The following EPHB2 variants were observed in gnomAD, a reference collection of about 807,000 sequenced individuals.
EPHB2 encodes the protein EPH receptor B2.
In EPHB2, 18 loss-of-function variants were observed where a neutral mutation model predicts 96.4. That is an observed-to-expected ratio of 0.19 (90% CI 0.13 to 0.28). The LOEUF (loss-of-function observed/expected upper bound fraction) is 0.28, where lower values mean the gene tolerates loss of function less well. Among genes scored for constraint, EPHB2 ranks in the 10% least tolerant of loss-of-function variants. EPHB2 has a pLI of 1.00. For missense variants in EPHB2, 989 were observed against 1,355.4 expected (o/e 0.73, Z 4.25); for synonymous variants, 506 against 534.1 (o/e 0.95, Z 0.72).
chr1:22,784,283 C>A lies in EPHB2; in HGVS notation c.127-109C>A, dbSNP rs1644575796. On this transcript the variant is annotated intron_variant, in intron 2 of 15. Coordinates refer to ENST00000374630, the MANE Select transcript of EPHB2 (RefSeq NM_017449.5). This position sits in a 1 kb window ranked among gnomAD's most constrained non-coding sequence, Gnocchi z 5.1. ...ATTGGGAATTCTCTGATGTCTTCAC[C>A]ATTAGACTGGAGGGTTCCCTAAGGC... 3.9e-6 allele frequency: 4 copies of A among 1,014,622 alleles called. No individual in the cohort carries two copies. In the Admixed American group the frequency reaches 7.8e-5, roughly 20 times the overall value. 62.9% of individuals were successfully genotyped at this position (1,014,622 alleles called of 1,614,324 possible).
intron 1 of EPHB2, among the ~76,000 whole-genome samples, chr1:22,714,067 G>C (rs948261471): frequency 2.0e-5 from 3 of 152,152 alleles, no homozygotes; most frequent in African/African-American, 7.2e-5. Context: ...CCTTACATCT[G>C]CTCCTTTGCT....
intron 1 of EPHB2, among the ~76,000 whole-genome samples, chr1:22,767,113 T>C (rs1183860278): frequency 1.3e-5 from 2 of 152,208 alleles, no homozygotes; most frequent in Non-Finnish European, 1.5e-5. Context: ...CAGGTCACAC[T>C]GGGCACCAAT....
rs79319964 is a variant in EPHB2 at position 22,846,421 on chromosome 1, C to G, written c.812-16616C>G. Among the ~76,000 whole-genome samples, 1 of 108,744 alleles carries G rather than the reference C, an allele frequency of 9.2e-6. No individual in the cohort carries two copies. The highest frequency in any genetic ancestry group is 2.1e-5 in the Non-Finnish European group (1 of 48,516). The allele number at this position is 108,744 out of a possible 152,430, so 71.3% of individuals were successfully genotyped here. A position where few individuals can be genotyped will look rare whatever the true frequency, so the allele number is the denominator to read the frequency against. ...ACAGAGTGAGAGTGAGACTCTGTCT[C>G]AAAAAAAAAAAAAAAGAAAAGAAAG... On this transcript the variant is annotated intron_variant, in intron 3 of 15. Coordinates refer to ENST00000374630, the MANE Select transcript of EPHB2 (RefSeq NM_017449.5). This position sits in a 1 kb window ranked among gnomAD's most constrained non-coding sequence, Gnocchi z 4.3.
At chr1:22,804,361 C>G (rs1392937384) in intron 3 of EPHB2, among the ~76,000 whole-genome samples, 1 of 152,094 alleles carries the variant, frequency 6.6e-6, no homozygotes, top group African/African-American at 2.4e-5. Context: ...AAAATCTGCA[C>G]CACCCCCCAT....
intron 1 of EPHB2, among the ~76,000 whole-genome samples, chr1:22,758,501 A>G (rs113429480): frequency 4.5e-4 from 68 of 152,078 alleles, no homozygotes; most frequent in African/African-American, 1.6e-3. Flanking sequence ...ATTCATTTGC[A>G]TGAGCACTGC....
intron 5 of EPHB2, among the ~76,000 whole-genome samples, chr1:22,876,946 C>A (rs1484365131): frequency 6.6e-6 from 1 of 152,226 alleles, no homozygotes; most frequent in Admixed American, 6.5e-5. Flanking sequence ...GCTACGCCTG[C>A]CAGGCCCAGA....
At chr1:22,851,534 G>A (rs935716866) in intron 3 of EPHB2, among the ~76,000 whole-genome samples, 1 of 152,220 alleles carries the variant, frequency 6.6e-6, no homozygotes, top group Non-Finnish European at 1.5e-5. Flanking sequence ...CAGCATAGCT[G>A]GGCTGCAACC....
intron 1 of EPHB2, among the ~76,000 whole-genome samples, chr1:22,757,268 C>A (rs12120875): frequency 1.3e-5 from 2 of 151,728 alleles, no homozygotes; most frequent in Admixed American, 1.3e-4. Context: ...CCCAGCCTCA[C>A]TGGGGAGACC....
At chr1:22,788,881 A>C (rs1441686371) in intron 3 of EPHB2, among the ~76,000 whole-genome samples, 1 of 151,222 alleles carries the variant, frequency 6.6e-6, no homozygotes, top group Admixed American at 6.6e-5. Context: ...CAGCCTCCTG[A>C]GTAGCTGGGA....
intron 5 of EPHB2, among the ~76,000 whole-genome samples, chr1:22,866,096 A>G (rs1638465736): frequency 1.3e-5 from 2 of 152,118 alleles, no homozygotes; most frequent in Non-Finnish European, 2.9e-5. Context: ...GATGCTTCCC[A>G]GCCTCATCCC....
chr1:22,717,515 C>A (rs944487124), intron 1 of EPHB2, among the ~76,000 whole-genome samples: 1 of 152,174 alleles, frequency 6.6e-6, no homozygotes, highest in Admixed American at 6.5e-5. Flanking sequence ...AAGAGGGGAC[C>A]TTGCCTGCTG....
chr1:22,909,766 G>A (rs529728084), intron 13 of EPHB2, among the ~76,000 whole-genome samples: 3 of 152,284 alleles, frequency 2.0e-5, no homozygotes, highest in East Asian at 3.9e-4. Flanking sequence ...GGAAGGACTC[G>A]AAGAAACTTC....
intron 1 of EPHB2, among the ~76,000 whole-genome samples, chr1:22,719,184 A>G (rs949835880): frequency 2.6e-5 from 4 of 152,110 alleles, no homozygotes; most frequent in African/African-American, 9.7e-5. Flanking sequence ...TGCAGCTTGT[A>G]CTTCCAAATA....
chr1:22,826,597 G>A (rs369544297), intron 3 of EPHB2, among the ~76,000 whole-genome samples: 128 of 152,324 alleles, frequency 8.4e-4, no homozygotes, highest in Non-Finnish European at 1.6e-3. Flanking sequence ...GACCATTTCC[G>A]TTTCTAAAGA....
At chr1:22,765,686 T>A (rs1644299078) in intron 1 of EPHB2, among the ~76,000 whole-genome samples, 1 of 152,042 alleles carries the variant, frequency 6.6e-6, no homozygotes, top group Non-Finnish European at 1.5e-5. Flanking sequence ...CCCCACACAT[T>A]GCTACCTCAC....
intron 5 of EPHB2, among the ~76,000 whole-genome samples, chr1:22,878,875 C>T (rs537948115): frequency 6.6e-6 from 1 of 152,362 alleles, no homozygotes; most frequent in African/African-American, 2.4e-5. Flanking sequence ...CTGGCAGCAG[C>T]GCAATCCAAA....
At chr1:22,734,849 A>AT (rs1643792670) in intron 1 of EPHB2, among the ~76,000 whole-genome samples, 1 of 152,172 alleles carries the variant, frequency 6.6e-6, no homozygotes, top group South Asian at 2.1e-4. Flanking sequence ...TTTTATGAAA[A>AT]AATTCAGGGG....
At chr1:22,762,039 A>G (rs1349105429) in intron 1 of EPHB2, among the ~76,000 whole-genome samples, 1 of 152,224 alleles carries the variant, frequency 6.6e-6, no homozygotes, top group Non-Finnish European at 1.5e-5. Context: ...AAATAGCTCA[A>G]TTGGGATTCC....
Position 22,906,142 on chromosome 1 carries a change from C to G in EPHB2, c.1888+33C>G. ...GCTGGTACTCTCACATGTACTATGA[C>G]CTTAGCCATGGCTGGTGAGACCACC... On this transcript the variant is annotated intron_variant, in intron 10 of 15. Coordinates refer to ENST00000374630, the MANE Select transcript of EPHB2 (RefSeq NM_017449.5). The surrounding 1 kb of genome is among the most constrained non-coding windows in gnomAD (Gnocchi z 4.8). 1 of 1,614,028 alleles carries G rather than the reference C, an allele frequency of 6.2e-7. No individual in the cohort carries two copies. The highest frequency in any genetic ancestry group is 8.5e-7 in the Non-Finnish European group (1 of 1,180,012).
Sources: allele counts gnomAD v4.1 joint callset (sites outside exome capture counted in the v4.1 genomes callset), GRCh38; gene constraint gnomAD v4.1.1; non-coding constraint Gnocchi (gnomAD v3.1); transcripts MANE v1.5; gene names NCBI Gene and HGNC (gene_info 2026-07-23, HGNC 2026-07-21).